The following LPO variants were observed in gnomAD, a reference collection of about 807,000 sequenced individuals.
LPO encodes lactoperoxidase.
LPO carries 70 observed loss-of-function variants against 68.4 expected under a neutral mutation model. The observed-to-expected ratio is 1.02, with a 90% CI of 0.84 to 1.25. The LOEUF is 1.25. Ranked by LOEUF, LPO falls within the 50% of genes most tolerant of loss-of-function variation. LPO has a pLI of 0.00. For synonymous variants in LPO, 360 were observed against 357.6 expected, an observed-to-expected ratio of 1.01 and a Z score of -0.08; for missense variants, 873 against 908.4, an observed-to-expected ratio of 0.96 and a Z score of 0.50.
rs781463226 is a variant in LPO, at chr17:58,267,338, C to T, written c.1694-11C>T. Reference sequence around the variant, plus strand: ...CCCCGGGATGAGACAGCCTCAGTCTCTCCACCCTAGGGTACAATTCCTGGA... The same window carrying T: ...CCCCGGGATGAGACAGCCTCAGTCTTTCCACCCTAGGGTACAATTCCTGGA... On this transcript the variant is annotated splice_polypyrimidine_tract_variant and intron_variant, in intron 11 of 12. Transcript: ENST00000262290. 1.2e-6 allele frequency: 2 copies of T among 1,610,688 alleles called. No individual in the cohort carries two copies.
intron 10 of LPO, among the ~76,000 whole-genome samples, 186 bp from the exon 11 acceptor site, chr17:58,265,967 G>A (rs1970255469): frequency 6.6e-6 from 1 of 152,050 alleles, no homozygotes; most frequent in South Asian, 2.1e-4. Context: ...CAATCTGGAT[G>A]CCCCTGTCTC....
At chr17:58,265,154 C>T (rs998824955) in intron 10 of LPO, among the ~76,000 whole-genome samples, 180 bp downstream of exon 10, 3 of 152,202 alleles carry the variant, frequency 2.0e-5, no homozygotes, top group Admixed American at 6.5e-5. Context: ...ACCCATCTCA[C>T]GAGGCTATCC....
chr17:58,245,482 G>A (rs1279712009), intron 3 of LPO, among the ~76,000 whole-genome samples: 2 of 152,104 alleles, frequency 1.3e-5, no homozygotes, highest in African/African-American at 2.4e-5. Context: ...CTCTCTGCCT[G>A]GGAGCATCGG....
At chr17:58,249,978 C>T (rs1969928524) in intron 6 of LPO, among the ~76,000 whole-genome samples, 1 of 152,182 alleles carries the variant, frequency 6.6e-6, no homozygotes, top group African/African-American at 2.4e-5. Context: ...CAGCCCCCGC[C>T]CCTGGAGTGC....
rs2143901408 is a variant in LPO at position 58,249,196 on chromosome 17, T to C, written c.443+19T>C. On this transcript the variant is annotated intron_variant, in intron 5 of 12. Coordinates refer to ENST00000262290, the MANE Select transcript of LPO (RefSeq NM_006151.3). ...ATAACAGGTGGCGGGGCTTGGGGTG[T>C]GGGGGCCGACCATTCCAGCCACTCC... is the stretch of plus-strand genomic sequence containing the variant. 2.5e-6 allele frequency: 4 copies of C among 1,597,104 alleles called. No homozygotes were observed. Among genetic ancestry groups the C allele is most frequent in the East Asian group, 4.5e-5 (2 of 44,624 alleles).
intron 3 of LPO, among the ~76,000 whole-genome samples, chr17:58,245,851 G>A (rs1969844517): frequency 6.6e-6 from 1 of 152,164 alleles, no homozygotes. Context: ...CAGCATAAAA[G>A]CCACAAAACC....
At position 58,264,980 on chromosome 17, in the gene LPO, C is replaced by A. The variant is rs770605403; in HGVS notation, c.1519+6C>A. ...TTGGAGGATGGTCAAAGATGGTATG[C>A]CCTTTCAGGGAAGTGCTGTCACCTG... On this transcript the variant is annotated splice_donor_region_variant and intron_variant, in intron 10 of 12. Transcript: ENST00000262290. 1.9e-6 allele frequency: 3 copies of A among 1,613,526 alleles called. No homozygotes were observed. Among genetic ancestry groups the A allele is most frequent in the South Asian group, 1.1e-5 (1 of 91,078 alleles).
rs73314165 is a variant in LPO, at chr17:58,261,115, G to A, written c.1267-3607G>A. 3.6e-3 allele frequency among the ~76,000 whole-genome samples: 554 copies of A among 152,296 alleles called. 7 individuals carry two copies. Among genetic ancestry groups the A allele is most frequent in the African/African-American group, 0.013 (532 of 41,580 alleles). Reference sequence around the variant, plus strand: ...GTATTCTGCTGTTGTTGAATGCAATGTTCTGTAAATGTCAGTTGGATCTGT... The same window carrying A: ...GTATTCTGCTGTTGTTGAATGCAATATTCTGTAAATGTCAGTTGGATCTGT... On this transcript the variant is annotated intron_variant, in intron 9 of 12. Transcript: ENST00000262290.
At position 58,268,207 on chromosome 17, in the gene LPO, T is replaced by C; in HGVS notation, c.*213T>C. 1 of 575,432 alleles carries C rather than the reference T, an allele frequency of 1.7e-6. No homozygotes were observed. The highest frequency in any genetic ancestry group is 2.0e-5 in the South Asian group (1 of 49,318). The allele number at this position is 575,432 out of a possible 1,614,324, so 35.6% of individuals were successfully genotyped here. ...CTCAGCTCCAGTGGCTTCTCCTTTC[T>C]GTCAAGACTTAGCCCCGCTGAGATG... On this transcript the variant is annotated 3_prime_UTR_variant, in exon 13 of 13. Transcript: ENST00000262290.
At chr17:58,254,281 G>A (rs146455559) in intron 8 of LPO, among the ~76,000 whole-genome samples, 121 of 151,908 alleles carry the variant, frequency 8.0e-4, no homozygotes, top group African/African-American at 2.4e-3. Context: ...TTCCCCCATC[G>A]TTACTCCTCT....
intron 8 of LPO, 70 bp downstream of exon 8, chr17:58,252,576 C>G (rs901682680): frequency 6.0e-5 from 87 of 1,443,892 alleles, no homozygotes; most frequent in Admixed American, 1.2e-4. Context: ...ACCACTGCCC[C>G]CTTCTTGTCA....
Position 58,264,971 on chromosome 17 carries a change from GAT to G in LPO, c.1517_1518del (p.Asp506GlyfsTer4), listed in dbSNP as rs1970236162. Reference sequence around the variant, plus strand: ...CTTCAACACTTGGAGGATGGTCAAAGATGGTATGCCCTTTCAGGGAAGTGCTG... The same window carrying G: ...CTTCAACACTTGGAGGATGGTCAAAGGGTATGCCCTTTCAGGGAAGTGCTG... ...LFFNTWRMVKDGGIDPLVRGL... is the reference protein window; with the variant it reads ...LFFNTWRMVKXGGIDPLVRGL... On this transcript the variant is annotated frameshift_variant and splice_region_variant, in exon 10 of 13. Coordinates refer to ENST00000262290, the MANE Select transcript of LPO (RefSeq NM_006151.3). LOFTEE classifies it high-confidence loss of function. 1 of 1,613,998 alleles carries G rather than the reference GAT, an allele frequency of 6.2e-7. No homozygotes were observed. The highest frequency in any genetic ancestry group is 8.5e-7 in the Non-Finnish European group (1 of 1,179,990).
At chr17:58,252,024 G>A (rs2143910622) in intron 7 of LPO, 158 bp from the exon 8 acceptor site, 1 of 763,958 alleles carries the variant, frequency 1.3e-6, no homozygotes, top group East Asian at 2.4e-5. Context: ...AGCCCAGGGT[G>A]TGTAATGTCA....
At chr17:58,244,986 C>T (rs982092547) in intron 3 of LPO, among the ~76,000 whole-genome samples, 2 of 152,234 alleles carry the variant, frequency 1.3e-5, no homozygotes, top group Admixed American at 6.5e-5. Flanking sequence ...TCTTTCCTCT[C>T]GCTGTCCCTT....
At chr17:58,241,084 A>G (rs1485611928) in intron 1 of LPO, among the ~76,000 whole-genome samples, 2 of 144,218 alleles carry the variant, frequency 1.4e-5, no homozygotes, top group East Asian at 2.1e-4. Context: ...ATTTTATGCT[A>G]TGTGGATTTT....
chr17:58,244,363 G>A, intron 3 of LPO: 1 of 445,924 alleles, frequency 2.2e-6, no homozygotes, highest in Non-Finnish European at 4.0e-6. Flanking sequence ...ATGTTTCCTT[G>A]GGCCATGCAT....
chr17:58,247,567 T>A lies in LPO; in HGVS notation c.254T>A (p.Ile85Asn). ...KHAKGRTRTAIRNGQVWEESL... is the reference protein window; with the variant it reads ...KHAKGRTRTANRNGQVWEESL... ...GCCAAAGGCCGGACGCGCACAGCCA[T>A]CCGCAATGGACAGGTGTGGGAGGAG... Residue 85 changes from isoleucine (I) to asparagine (N), a missense_variant, in exon 4 of 13, where the codon ATC (isoleucine) becomes AAC (asparagine). By Grantham distance (149) the Ile-to-Asn change is moderately radical. Transcript: ENST00000262290. 6.2e-7 allele frequency: 1 copy of A among 1,614,136 alleles called. No individual in the cohort carries two copies. Among genetic ancestry groups the A allele is most frequent in the Non-Finnish European group, 8.5e-7 (1 of 1,180,024 alleles).
At chr17:58,267,283 T>C (rs1970285705) in intron 11 of LPO, 66 bp from the exon 12 acceptor site, 1 of 1,260,218 alleles carries the variant, frequency 7.9e-7, no homozygotes, top group South Asian at 1.2e-5. Flanking sequence ...GGAGTGGACA[T>C]GGCCCCAAAG....
Position 58,266,228 on chromosome 17 carries a change from GA to G in LPO, c.1596del (p.Glu533SerfsTer49). On this transcript the variant is annotated frameshift_variant, in exon 11 of 13. Coordinates refer to ENST00000262290, the MANE Select transcript of LPO (RefSeq NM_006151.3). LOFTEE classifies it high-confidence loss of function. ...KLMKQNKMMT[G>X]ELRNKLFQPT... ...ATGAAACAGAATAAAATGATGACTG[GA>G]GAGCTGCGCAACAAGCTTTTCCAGC... is the stretch of plus-strand genomic sequence containing the variant. 1 of 1,614,140 alleles carries G rather than the reference GA, an allele frequency of 6.2e-7. No individual in the cohort carries two copies. The highest frequency in any genetic ancestry group is 2.2e-5 in the East Asian group (1 of 44,864).
Sources: gnomAD v4.1 joint callset for allele counts (sites outside exome capture counted in the v4.1 genomes callset) on GRCh38, gnomAD v4.1.1 for gene constraint, MANE v1.5 for transcripts, NCBI Gene and HGNC (gene_info 2026-07-23, HGNC 2026-07-21) for gene names.